CLASP1: variants seen among roughly 807,000 people sequenced by gnomAD.
The protein encoded by CLASP1 is cytoplasmic linker associated protein 1.
CLASP1 carries 38 observed loss-of-function variants against 192.3 expected under a neutral mutation model. That is an observed-to-expected ratio of 0.20 (90% CI 0.15 to 0.26). The LOEUF (loss-of-function observed/expected upper bound fraction) is 0.26. CLASP1 is among the 10% of genes least tolerant of loss of function. The probability of loss-of-function intolerance (pLI) is 1.00; values close to 1 mark genes in which losing one functional copy is unlikely to be tolerated. For synonymous variants in CLASP1, 691 were observed against 712.8 expected, an observed-to-expected ratio of 0.97 and a Z score of 0.49; for missense variants, 1,433 against 1,932.5, an observed-to-expected ratio of 0.74 and a Z score of 4.85.
intron 2 of CLASP1, among the ~76,000 whole-genome samples, chr2:121,534,527 CT>C (rs2094988698): frequency 6.6e-6 from 1 of 152,112 alleles, no homozygotes. Flanking sequence ...TAAAAATTTT[CT>C]TTTGTTGTTG....
intron 8 of CLASP1, among the ~76,000 whole-genome samples, chr2:121,489,981 T>G (rs1263130873): frequency 6.6e-6 from 1 of 152,160 alleles, no homozygotes; most frequent in African/African-American, 2.4e-5. Flanking sequence ...ACTGTGAACA[T>G]AAGCAGAGAA....
intron 2 of CLASP1, among the ~76,000 whole-genome samples, chr2:121,537,148 T>A (rs2095106127): frequency 1.3e-5 from 2 of 152,000 alleles, no homozygotes. Context: ...TCCCAGCAAT[T>A]TGAGAGGTCA....
Position 121,430,156 on chromosome 2 carries a change from TG to T in CLASP1, c.1933del (p.Gln645LysfsTer66). The T allele has an allele frequency of 6.4e-7, 1 of 1,570,032 alleles. No homozygotes were observed. Among genetic ancestry groups the T allele is most frequent in the Non-Finnish European group, 8.6e-7 (1 of 1,157,352 alleles). ...GACGTTGGTGGCACTCCCAGAGCTT[TG>T]CCGTCTTGTGCGGATCCGACCTGGA... On this transcript the variant is annotated frameshift_variant, in exon 20 of 40. Transcript: ENST00000263710. LOFTEE classifies it high-confidence loss of function.
chr2:121,379,833 ATCACT>A (rs1403225413), intron 33 of CLASP1, among the ~76,000 whole-genome samples: 1 of 152,208 alleles, frequency 6.6e-6, no homozygotes, highest in Non-Finnish European at 1.5e-5. Context: ...TTCAGATCAC[ATCACT>A]TCACTATTAC....
chr2:121,407,097 TC>T (rs1459530932), intron 25 of CLASP1, among the ~76,000 whole-genome samples: 12 of 151,820 alleles, frequency 7.9e-5, no homozygotes, highest in African/African-American at 2.7e-4. Context: ...ACCCCCGTAG[TC>T]CCAGCTACTC....
In CLASP1 at chr2:121,533,496, G is replaced by A. The variant is rs138218488; in HGVS notation, c.196-3171C>T. Reference sequence around the variant, plus strand: ...TAAAGTGTGTATGTAAACTGTGCCTGGCACGTGGTAAGGGTACTTTTTTTT... The same window carrying A: ...TAAAGTGTGTATGTAAACTGTGCCTAGCACGTGGTAAGGGTACTTTTTTTT... On this transcript the variant is annotated intron_variant, in intron 2 of 39. Transcript: ENST00000263710. Among the ~76,000 whole-genome samples the A allele has an allele frequency of 7.7e-4, 117 of 152,246 alleles. 1 individual carries two copies. The East Asian group carries it at 7.7e-3, about 10-fold the overall frequency.
chr2:121,387,248 G>A lies in CLASP1; in HGVS notation c.3268-20C>T. The A allele has an allele frequency of 6.6e-7, 1 of 1,512,270 alleles. No individual in the cohort carries two copies. The highest frequency in any genetic ancestry group is 8.9e-7 in the Non-Finnish European group (1 of 1,120,880). 93.7% of individuals were successfully genotyped at this position (1,512,270 alleles called of 1,614,324 possible). ...AGAGCCCTGGGGTGAAGCAGAATAG[G>A]CATCGTTATTCAAGGGCTGTATATA... On this transcript the variant is annotated intron_variant, in intron 31 of 39. Coordinates refer to ENST00000263710, the Ensembl canonical transcript of CLASP1.
At chr2:121,524,917 G>A (rs952084814) in intron 6 of CLASP1, among the ~76,000 whole-genome samples, 1 of 152,094 alleles carries the variant, frequency 6.6e-6, no homozygotes, top group Non-Finnish European at 1.5e-5. Context: ...CTGGAACTAA[G>A]AGCACGATAA....
chr2:121,577,274 T>C (rs549092363), intron 2 of CLASP1, among the ~76,000 whole-genome samples: 2 of 151,788 alleles, frequency 1.3e-5, no homozygotes, highest in Admixed American at 6.6e-5. Context: ...TCCACCTTTA[T>C]GCATGGGATA....
intron 22 of CLASP1, among the ~76,000 whole-genome samples, chr2:121,421,211 T>C (rs192657707): frequency 2.2e-3 from 338 of 152,300 alleles, no homozygotes; most frequent in Non-Finnish European, 4.1e-3. Context: ...ACTACTACTT[T>C]GAAAGACTAA....
chr2:121,471,636 G>A (rs2090754141), intron 8 of CLASP1, among the ~76,000 whole-genome samples: 1 of 151,988 alleles, frequency 6.6e-6, no homozygotes, highest in Non-Finnish European at 1.5e-5. Flanking sequence ...CAACAACAAT[G>A]CCCTCCAAAT....
rs74885175 is a variant in CLASP1, at chr2:121,593,748, C to T, written c.195+11953G>A. Among the ~76,000 whole-genome samples, 856 of 151,858 alleles carry T rather than the reference C, an allele frequency of 5.6e-3. 43 individuals carry two copies. The East Asian group carries it at 0.14, about 25-fold the overall frequency. On this transcript the variant is annotated intron_variant, in intron 2 of 39. Transcript: ENST00000263710. ...TTTTTCGGCCAGGCGCAGTGGCTCA[C>T]GCCTGTAATCCCACCACTTTGGGAG...
chr2:121,338,520 A>G, exon 40 of CLASP1: 1 of 152,778 alleles, frequency 6.5e-6, no homozygotes, highest in Non-Finnish European at 1.5e-5. Flanking sequence ...GGGGCCCTGC[A>G]GGGAGGCGGC....
At chr2:121,537,417 G>C (rs1048349852) in intron 2 of CLASP1, among the ~76,000 whole-genome samples, 2 of 151,750 alleles carry the variant, frequency 1.3e-5, no homozygotes, top group Non-Finnish European at 2.9e-5. Flanking sequence ...GAGAGAGAGA[G>C]AGAGAGAAGC....
intron 2 of CLASP1, among the ~76,000 whole-genome samples, chr2:121,579,204 G>C (rs995150293): frequency 2.0e-5 from 3 of 152,108 alleles, no homozygotes; most frequent in Admixed American, 6.6e-5. Flanking sequence ...TCAGAACCAG[G>C]CTTCTCCGTA....
chr2:121,478,841 ACACACAC>A lies in CLASP1; in HGVS notation c.713-8888_713-8882del, dbSNP rs1559368070. On this transcript the variant is annotated intron_variant, in intron 8 of 39. Coordinates refer to ENST00000263710, the Ensembl canonical transcript of CLASP1. ...CACACAACCACACACCACACACCAC[ACACACAC>A]CACACACCACACCACACACACACCA... Among the ~76,000 whole-genome samples, 162 of 44,138 alleles carry A rather than the reference ACACACAC, an allele frequency of 3.7e-3. 1 individual carries two copies. Among genetic ancestry groups the A allele is most frequent in the South Asian group, 5.8e-3 (7 of 1,212 alleles). The allele number at this position is 44,138 out of a possible 152,430, so 29.0% of individuals were successfully genotyped here.
At chr2:121,440,297 T>G (rs2083086273) in intron 19 of CLASP1, among the ~76,000 whole-genome samples, 1 of 152,214 alleles carries the variant, frequency 6.6e-6, no homozygotes, top group Non-Finnish European at 1.5e-5. Flanking sequence ...TTTCATTTTG[T>G]TTTGTTTTCA....
intron 9 of CLASP1, 105 bp from the exon 10 acceptor site, chr2:121,462,710 T>C: frequency 2.9e-6 from 2 of 688,058 alleles, no homozygotes; most frequent in Admixed American, 5.5e-5. Flanking sequence ...TTTGGAAGAT[T>C]CAGAACATTT....
At chr2:121,408,514 G>A (rs564071369) in intron 24 of CLASP1, among the ~76,000 whole-genome samples, 3 of 152,244 alleles carry the variant, frequency 2.0e-5, no homozygotes, top group Non-Finnish European at 2.9e-5. Flanking sequence ...AACAAATAGC[G>A]ATTGGCTTAA....
Sources: gnomAD v4.1 joint callset for allele counts (sites outside exome capture counted in the v4.1 genomes callset) on GRCh38, gnomAD v4.1.1 for gene constraint, MANE v1.5 for transcripts, NCBI Gene and HGNC (gene_info 2026-07-23, HGNC 2026-07-21) for gene names.